Variants in SORCS2 observed in about 807,000 individuals in gnomAD.
SORCS2 encodes sortilin related VPS10 domain containing receptor 2, also known as VPS10 domain-containing receptor SorCS2.
SORCS2 carries 100 observed loss-of-function variants against 141.6 expected under a neutral mutation model. The observed-to-expected ratio is 0.71, with a 90% CI of 0.60 to 0.83. The LOEUF (loss-of-function observed/expected upper bound fraction) is 0.83, where lower values mean the gene tolerates loss of function less well. SORCS2 is among the 40% of genes least tolerant of loss of function. SORCS2 has a pLI of 0.00. For missense variants in SORCS2, 1,646 were observed against 1,560.2 expected, an observed-to-expected ratio of 1.05 and a Z score of -0.93; for synonymous variants, 789 against 676.9, an observed-to-expected ratio of 1.17 and a Z score of -2.57.
intron 2 of SORCS2, among the ~76,000 whole-genome samples, chr4:7,485,863 TAGGGAGGCTC>T (rs1730949206): frequency 6.6e-6 from 1 of 151,776 alleles, no homozygotes; most frequent in South Asian, 2.1e-4. Context: ...AAGGACTGAG[TAGGGAGGCTC>T]AGGGCGGGTA....
At chr4:7,468,033 G>A (rs1293331221) in intron 2 of SORCS2, among the ~76,000 whole-genome samples, 1 of 152,220 alleles carries the variant, frequency 6.6e-6, no homozygotes. Flanking sequence ...ACCGAGGTAT[G>A]AGGATGGCAG....
At chr4:7,647,228 G>A (rs1054945873) in intron 4 of SORCS2, among the ~76,000 whole-genome samples, 1 of 152,146 alleles carries the variant, frequency 6.6e-6, no homozygotes, top group Non-Finnish European at 1.5e-5. Flanking sequence ...GGTTTAGATG[G>A]GCTGAGCAAG....
chr4:7,297,134 G>T (rs1717127519), intron 1 of SORCS2, among the ~76,000 whole-genome samples: 1 of 152,166 alleles, frequency 6.6e-6, no homozygotes, highest in African/African-American at 2.4e-5. Context: ...TTCCCTCTCT[G>T]GGCATCTCCT....
chr4:7,506,078 G>A (rs1032059801), intron 2 of SORCS2, among the ~76,000 whole-genome samples: 1 of 152,180 alleles, frequency 6.6e-6, no homozygotes, highest in Non-Finnish European at 1.5e-5. Context: ...CTGGGGTGGG[G>A]AGGCTGTGGA....
intron 2 of SORCS2, among the ~76,000 whole-genome samples, chr4:7,404,971 C>T (rs767122113): frequency 1.3e-5 from 2 of 152,010 alleles, no homozygotes; most frequent in African/African-American, 2.4e-5. Flanking sequence ...TTTCTTCTAG[C>T]ATTTTTATAG....
intron 1 of SORCS2, among the ~76,000 whole-genome samples, chr4:7,264,740 G>A (rs1260699216): frequency 6.6e-6 from 1 of 152,190 alleles, no homozygotes; most frequent in East Asian, 1.9e-4. Context: ...CACCATGCCT[G>A]GGTCTGCTCT....
At chr4:7,567,431 T>G (rs1389067696) in intron 3 of SORCS2, among the ~76,000 whole-genome samples, 1 of 152,110 alleles carries the variant, frequency 6.6e-6, no homozygotes, top group Non-Finnish European at 1.5e-5. Flanking sequence ...TGAAGAGTGC[T>G]GGTCAGGTGT....
At chr4:7,276,773 C>T (rs546583249) in intron 1 of SORCS2, among the ~76,000 whole-genome samples, 41 of 152,298 alleles carry the variant, frequency 2.7e-4, no homozygotes, top group Non-Finnish European at 3.7e-4. Context: ...ACTTCCCCTC[C>T]GGAACTTTCT....
rs1226639746 is a variant in SORCS2, at chr4:7,594,017, C to G, written c.649-44311C>G. Among the ~76,000 whole-genome samples the G allele has an allele frequency of 2.0e-5, 3 of 152,202 alleles. No individual in the cohort carries two copies. The East Asian group carries it at 5.8e-4, about 29-fold the overall frequency. ...TTTTTAGTTAGTTCATTTATTGAGC[C>G]TCTCTTGAGCACGTCTGTCTGCCAG... is the stretch of plus-strand genomic sequence containing the variant. On this transcript the variant is annotated intron_variant, in intron 3 of 26. Transcript: ENST00000507866.
chr4:7,727,878 C>T (rs1260797832), intron 21 of SORCS2, among the ~76,000 whole-genome samples: 1 of 152,138 alleles, frequency 6.6e-6, no homozygotes, highest in Admixed American at 6.5e-5. Flanking sequence ...AAGACAGGGC[C>T]TCTGCTCTCA....
At chr4:7,602,755 G>C (rs1304618160) in intron 3 of SORCS2, among the ~76,000 whole-genome samples, 2 of 151,766 alleles carry the variant, frequency 1.3e-5, no homozygotes, top group Non-Finnish European at 2.9e-5. Context: ...CCCAGACGGG[G>C]TGGCGGCCGG....
chr4:7,663,054 T>G lies in SORCS2; in HGVS notation c.953-1299T>G, dbSNP rs1722275427. Among the ~76,000 whole-genome samples, 1 of 147,496 alleles carries G rather than the reference T, an allele frequency of 6.8e-6. No individual in the cohort carries two copies. Among genetic ancestry groups the G allele is most frequent in the Admixed American group, 6.7e-5 (1 of 14,848 alleles). ...AATAGGTGTGTGAGTGAAGGAATGA[T>G]TGAGTGAAAGAGTGGGTGAATGAGT... On this transcript the variant is annotated intron_variant, in intron 6 of 26. Transcript: ENST00000507866. This position sits in a 1 kb window ranked among gnomAD's most constrained non-coding sequence, Gnocchi z 4.8.
intron 2 of SORCS2, among the ~76,000 whole-genome samples, chr4:7,495,129 C>A (rs184413729): frequency 6.6e-6 from 1 of 152,218 alleles, no homozygotes; most frequent in Non-Finnish European, 1.5e-5. Context: ...GTACTACAGT[C>A]AGCTTAGAAA....
intron 3 of SORCS2, among the ~76,000 whole-genome samples, chr4:7,574,172 A>C (rs929659391): frequency 1.3e-5 from 2 of 152,262 alleles, no homozygotes; most frequent in Non-Finnish European, 2.9e-5. Context: ...ATCAGCTCAG[A>C]GAAGCGGGTT....
intron 3 of SORCS2, among the ~76,000 whole-genome samples, chr4:7,590,306 C>T (rs765474227): frequency 1.3e-4 from 20 of 152,162 alleles, no homozygotes; most frequent in South Asian, 2.1e-4. Context: ...GTTTGATTAC[C>T]GAATGAGTCA....
chr4:7,363,238 C>T (rs1325893264), intron 1 of SORCS2, among the ~76,000 whole-genome samples: 2 of 146,746 alleles, frequency 1.4e-5, no homozygotes, highest in South Asian at 2.1e-4. Context: ...ATCATCACCA[C>T]CATCACCATC....
intron 1 of SORCS2, among the ~76,000 whole-genome samples, chr4:7,376,957 C>T (rs555210016): frequency 5.3e-5 from 8 of 150,956 alleles, no homozygotes; most frequent in Non-Finnish European, 1.0e-4. Flanking sequence ...CCTGCAGTCA[C>T]GTGCAGCCTG....
In SORCS2 at chr4:7,233,157, G is replaced by A. The variant is rs914329654; in HGVS notation, c.480+40031G>A. On this transcript the variant is annotated intron_variant, in intron 1 of 26. Coordinates refer to ENST00000507866, the MANE Select transcript of SORCS2 (RefSeq NM_020777.3). This position sits in a 1 kb window ranked among gnomAD's most constrained non-coding sequence, Gnocchi z 4.5. The stretch of plus-strand genomic sequence containing the variant: ...AGGCGAGTCCCCAAGGTACCCGAGG[G>A]AGGCCAGGTACTGTCACTGCAGGCA... Among the ~76,000 whole-genome samples, 1 of 152,144 alleles carries A rather than the reference G, an allele frequency of 6.6e-6. No homozygotes were observed. Among genetic ancestry groups the A allele is most frequent in the African/African-American group, 2.4e-5 (1 of 41,434 alleles).
intron 3 of SORCS2, among the ~76,000 whole-genome samples, chr4:7,550,446 G>A (rs546994130): frequency 3.9e-5 from 6 of 152,324 alleles, no homozygotes; most frequent in Admixed American, 1.3e-4. Context: ...TTTGTGTGGT[G>A]GGCAGCCAGG....
Sources: allele counts gnomAD v4.1 joint callset (sites outside exome capture counted in the v4.1 genomes callset), GRCh38; gene constraint gnomAD v4.1.1; non-coding constraint Gnocchi (gnomAD v3.1); transcripts MANE v1.5; gene names NCBI Gene and HGNC (gene_info 2026-07-23, HGNC 2026-07-21).